The following UBE2E2 variants were observed in gnomAD, a reference collection of about 807,000 sequenced individuals.
UBE2E2 encodes ubiquitin-conjugating enzyme E2 E2.
In UBE2E2, 6 loss-of-function variants were observed where a neutral mutation model predicts 24.7. The ratio of observed to expected loss-of-function variants is 0.24; its 90% confidence interval spans 0.13 to 0.48. The LOEUF (loss-of-function observed/expected upper bound fraction) is 0.48, where lower values mean the gene tolerates loss of function less well. UBE2E2 is among the 20% of genes least tolerant of loss of function. The pLI, the probability that UBE2E2 is intolerant of heterozygous loss-of-function variation, is 0.99. For missense variants in UBE2E2, 169 were observed against 245.0 expected (o/e 0.69, Z 2.07); for synonymous variants, 104 against 83.6 (o/e 1.24, Z -1.33).
chr3:23,352,082 C>G (rs13319311), intron 3 of UBE2E2, among the ~76,000 whole-genome samples: 6,909 of 152,136 alleles, frequency 0.045, 544 homozygotes, highest in African/African-American at 0.16. Flanking sequence ...AAGAAACTCA[C>G]TCAAAACCGT....
intron 3 of UBE2E2, among the ~76,000 whole-genome samples, chr3:23,423,816 G>C (rs1009767673): frequency 3.9e-5 from 6 of 152,062 alleles, no homozygotes; most frequent in African/African-American, 1.4e-4. Context: ...CTAAATCTCC[G>C]ATCAGTAGTA....
intron 3 of UBE2E2, among the ~76,000 whole-genome samples, chr3:23,219,623 A>G (rs1322149455): frequency 6.6e-6 from 1 of 152,240 alleles, no homozygotes; most frequent in Non-Finnish European, 1.5e-5. Flanking sequence ...TCTGCCTAAT[A>G]GAAGTCAGAG....
intron 3 of UBE2E2, among the ~76,000 whole-genome samples, chr3:23,395,785 A>G (rs1313515311): frequency 6.6e-6 from 1 of 152,202 alleles, no homozygotes; most frequent in Non-Finnish European, 1.5e-5. Context: ...CTGTTCTGTC[A>G]GCTCACATGC....
At chr3:23,332,626 G>A (rs1230781482) in intron 3 of UBE2E2, among the ~76,000 whole-genome samples, 1 of 151,440 alleles carries the variant, frequency 6.6e-6, no homozygotes, top group African/African-American at 2.4e-5. Flanking sequence ...AAGGAAATTG[G>A]TGCATTTGAA....
chr3:23,569,122 T>A (rs1474894951), intron 5 of UBE2E2, among the ~76,000 whole-genome samples: 1 of 152,206 alleles, frequency 6.6e-6, no homozygotes, highest in African/African-American at 2.4e-5. Context: ...AACTGATATA[T>A]TCATACAATG....
At chr3:23,521,809 A>G (rs754688486) in intron 4 of UBE2E2, among the ~76,000 whole-genome samples, 2 of 152,172 alleles carry the variant, frequency 1.3e-5, no homozygotes, top group Non-Finnish European at 2.9e-5. Context: ...CAGGAAAGAC[A>G]AAAGATTGGA....
chr3:23,500,975 C>T (rs898355047), intron 4 of UBE2E2, among the ~76,000 whole-genome samples: 1 of 152,152 alleles, frequency 6.6e-6, no homozygotes, highest in African/African-American at 2.4e-5. Flanking sequence ...CCACCAAGAG[C>T]TTGCATTTGG....
intron 3 of UBE2E2, among the ~76,000 whole-genome samples, chr3:23,238,410 A>C (rs376585747): frequency 6.6e-6 from 1 of 152,328 alleles, no homozygotes; most frequent in East Asian, 1.9e-4. Context: ...GCATTGTGCA[A>C]ATGTAAAGAG....
At chr3:23,236,870 A>C (rs1193481373) in intron 3 of UBE2E2, among the ~76,000 whole-genome samples, 2 of 151,860 alleles carry the variant, frequency 1.3e-5, no homozygotes, top group East Asian at 3.9e-4. Context: ...GAGATGGAAA[A>C]CCTTCTCCTA....
At chr3:23,451,412 TGAG>T (rs1698560139) in intron 3 of UBE2E2, among the ~76,000 whole-genome samples, 2 of 152,070 alleles carry the variant, frequency 1.3e-5, no homozygotes, top group Non-Finnish European at 2.9e-5. Context: ...ATTTTACAGA[TGAG>T]GAGGCTGAGG....
chr3:23,204,566 A>C (rs1696094817), intron 1 of UBE2E2: 2 of 383,362 alleles, frequency 5.2e-6, no homozygotes, highest in Non-Finnish European at 3.6e-6. Context: ...TGTGAATCTA[A>C]ATATTTGCCT....
At chr3:23,297,018 G>A (rs1314395701) in intron 3 of UBE2E2, among the ~76,000 whole-genome samples, 3 of 152,258 alleles carry the variant, frequency 2.0e-5, no homozygotes, top group South Asian at 2.1e-4. Context: ...GTGTGAGATG[G>A]TATCTCATTG....
chr3:23,401,848 C>CTTTTTT (rs35903137), intron 3 of UBE2E2, among the ~76,000 whole-genome samples: 6 of 67,702 alleles, frequency 8.9e-5, no homozygotes, highest in Non-Finnish European at 1.0e-4. Context: ...TGCCTGGCTA[C>CTTTTTT]TTTTTTTTTT....
intron 3 of UBE2E2, among the ~76,000 whole-genome samples, chr3:23,332,677 GTGTGTGTGT>G (rs1695094041): frequency 4.9e-4 from 13 of 26,700 alleles, no homozygotes; most frequent in African/African-American, 8.3e-4. Flanking sequence ...CCAGTGGGGT[GTGTGTGTGT>G]GTGTGTGTGT....
At chr3:23,299,080 G>C (rs1698998587) in intron 3 of UBE2E2, among the ~76,000 whole-genome samples, 1 of 152,176 alleles carries the variant, frequency 6.6e-6, no homozygotes, top group African/African-American at 2.4e-5. Context: ...TTGCATAGAG[G>C]TGTTTATAGT....
At chr3:23,330,972 ATTAG>A (rs1695043717) in intron 3 of UBE2E2, among the ~76,000 whole-genome samples, 1 of 152,316 alleles carries the variant, frequency 6.6e-6, no homozygotes, top group Non-Finnish European at 1.5e-5. Flanking sequence ...TAATTAATAT[ATTAG>A]TTGACTATTC....
At chr3:23,221,608 G>C (rs1262165294) in intron 3 of UBE2E2, among the ~76,000 whole-genome samples, 1 of 151,950 alleles carries the variant, frequency 6.6e-6, no homozygotes, top group Middle Eastern at 3.2e-3. Context: ...ATATTTTCAA[G>C]GTTCATCCAT....
chr3:23,354,750 G>A (rs548665756), intron 3 of UBE2E2, among the ~76,000 whole-genome samples: 23 of 152,274 alleles, frequency 1.5e-4, no homozygotes, highest in African/African-American at 5.5e-4. Flanking sequence ...AGAGGATGTG[G>A]AGAAACAGGA....
At chr3:23,447,765 T>A (rs1698468006) in intron 3 of UBE2E2, among the ~76,000 whole-genome samples, 1 of 152,206 alleles carries the variant, frequency 6.6e-6, no homozygotes. Flanking sequence ...TTTTGTGTGA[T>A]AAGAAATCAC....
Sources: gnomAD v4.1 joint callset for allele counts (sites outside exome capture counted in the v4.1 genomes callset) on GRCh38, gnomAD v4.1.1 for gene constraint, MANE v1.5 for transcripts, NCBI Gene and HGNC (gene_info 2026-07-23, HGNC 2026-07-21) for gene names.